TLL1: variants seen among roughly 807,000 people sequenced by gnomAD.
The protein encoded by TLL1 is tolloid-like protein 1.
In TLL1, 49 loss-of-function variants were observed where a neutral mutation model predicts 128.2. The ratio of observed to expected loss-of-function variants is 0.38; its 90% CI spans 0.30 to 0.48. The LOEUF is 0.48. Among genes scored for constraint, TLL1 ranks in the 20% least tolerant of loss-of-function variants. The pLI is 0.96. For synonymous variants in TLL1, 454 were observed against 418.8 expected (o/e 1.08, Z -1.03); for missense variants, 1,123 against 1,242.0 (o/e 0.90, Z 1.44).
intron 10 of TLL1, 133 bp downstream of exon 10, chr4:166,039,574 T>A: frequency 1.5e-6 from 1 of 686,938 alleles, no homozygotes; most frequent in South Asian, 1.7e-5. Flanking sequence ...TTAGTTATAC[T>A]TTTTTCAACC....
chr4:166,055,441 G>T (rs111492540), intron 13 of TLL1, among the ~76,000 whole-genome samples, 170 bp downstream of exon 13: 12 of 152,244 alleles, frequency 7.9e-5, no homozygotes, highest in Middle Eastern at 6.8e-3. Flanking sequence ...CTAGAGTTTA[G>T]AACTTCATAG....
rs188480745 is a variant in TLL1 at position 165,898,194 on chromosome 4, G to A, written c.169+24121G>A. ...CTGCAAACAGAGACAATTTGACTTCGTCTCTTCCTATCTGAATATGCTTTA... is the reference window on the plus strand; with the variant it reads ...CTGCAAACAGAGACAATTTGACTTCATCTCTTCCTATCTGAATATGCTTTA... On this transcript the variant is annotated intron_variant, in intron 1 of 20. Transcript: ENST00000061240. 1.5e-3 allele frequency among the ~76,000 whole-genome samples: 227 copies of A among 151,696 alleles called. 1 individual carries two copies. The highest frequency in any genetic ancestry group is 4.8e-3 in the African/African-American group (198 of 41,360).
At chr4:165,917,017 T>C (rs1246254147) in intron 1 of TLL1, among the ~76,000 whole-genome samples, 2 of 152,158 alleles carry the variant, frequency 1.3e-5, no homozygotes, top group South Asian at 2.1e-4. Context: ...TGTAGTTTAA[T>C]ACATTAGAGT....
At chr4:166,022,169 CTT>C (rs200372458) in intron 8 of TLL1, among the ~76,000 whole-genome samples, 4 of 142,332 alleles carry the variant, frequency 2.8e-5, no homozygotes, top group Non-Finnish European at 3.1e-5. Context: ...ATTCCTTTTC[CTT>C]TTTTTTTTTT....
intron 16 of TLL1, among the ~76,000 whole-genome samples, chr4:166,070,691 G>T (rs568256505): frequency 3.9e-4 from 59 of 151,956 alleles, no homozygotes; most frequent in African/African-American, 1.4e-3. Context: ...AAAATAATGT[G>T]TGCATTGCAA....
At position 166,101,671 on chromosome 4, in the gene TLL1, C is replaced by T. The variant is rs1398869681; in HGVS notation, c.*795C>T. The T allele has an allele frequency of 6.6e-6, 1 of 152,442 alleles. No homozygotes were observed. Among genetic ancestry groups the T allele is most frequent in the Non-Finnish European group, 1.5e-5 (1 of 68,020 alleles). The allele number at this position is 152,442 out of a possible 1,614,324, so 9.4% of individuals were successfully genotyped here. A position where few individuals can be genotyped will look rare whatever the true frequency, so the allele number is the denominator to read the frequency against. ...ACCAAATCCAAGAAGCCTGTGATGT[C>T]TTATGAACCTTATGAGAAAACTCCG... On this transcript the variant is annotated 3_prime_UTR_variant, in exon 21 of 21. Coordinates refer to ENST00000061240, the MANE Select transcript of TLL1 (RefSeq NM_012464.5).
chr4:165,903,602 G>T (rs1006257294), intron 1 of TLL1, among the ~76,000 whole-genome samples: 1 of 151,252 alleles, frequency 6.6e-6, no homozygotes, highest in Admixed American at 6.6e-5. Flanking sequence ...TAGTAGAGAC[G>T]GGGTTTCACC....
intron 10 of TLL1, 147 bp downstream of exon 10, chr4:166,039,588 C>G (rs564329452): frequency 2.4e-5 from 16 of 655,922 alleles, no homozygotes; most frequent in African/African-American, 1.8e-4. Context: ...TTCAACCATA[C>G]CAAAAATACT....
intron 9 of TLL1, among the ~76,000 whole-genome samples, chr4:166,032,760 T>C (rs1026576876): frequency 5.9e-5 from 9 of 152,100 alleles, no homozygotes; most frequent in Non-Finnish European, 7.4e-5. Flanking sequence ...AATAACTTGT[T>C]CAGATTATCC....
chr4:166,067,042 A>G (rs1740606113), intron 16 of TLL1, among the ~76,000 whole-genome samples: 1 of 151,794 alleles, frequency 6.6e-6, no homozygotes, highest in Non-Finnish European at 1.5e-5. Context: ...ATTATGAAGT[A>G]AATGATTTTT....
intron 1 of TLL1, among the ~76,000 whole-genome samples, chr4:165,949,749 G>A (rs1734421772): frequency 6.6e-6 from 1 of 152,036 alleles, no homozygotes; most frequent in East Asian, 1.9e-4. Flanking sequence ...CAGCATGGGG[G>A]AAACCACTGC....
At chr4:166,009,512 G>A (rs191344307) in intron 7 of TLL1, among the ~76,000 whole-genome samples, 7 of 151,256 alleles carry the variant, frequency 4.6e-5, no homozygotes, top group African/African-American at 1.2e-4. Flanking sequence ...CTTGTTGCCC[G>A]TAGTCCACCT....
rs115658444 is a variant in TLL1 at position 165,908,786 on chromosome 4, T to C, written c.169+34713T>C. Among the ~76,000 whole-genome samples the C allele has an allele frequency of 4.4e-3, 672 of 152,122 alleles. 2 individuals carry two copies. Among genetic ancestry groups the C allele is most frequent in the Non-Finnish European group, 7.3e-3 (494 of 68,004 alleles). On this transcript the variant is annotated intron_variant, in intron 1 of 20. Coordinates refer to ENST00000061240, the MANE Select transcript of TLL1 (RefSeq NM_012464.5). ...GACTGTGAGTAAACCCTTGCAGTAA[T>C]CCAGGCCAGGCATGGTTGTGGCACA...
chr4:166,004,251 T>C (rs1737308201), intron 6 of TLL1, among the ~76,000 whole-genome samples: 1 of 152,166 alleles, frequency 6.6e-6, no homozygotes, highest in Admixed American at 6.6e-5. Context: ...AAAAATATTC[T>C]GTTGTTTGGA....
In TLL1 at chr4:166,025,406, G is replaced by C. The variant is rs1738450079; in HGVS notation, c.1133G>C (p.Arg378Thr). 6.2e-7 allele frequency: 1 copy of C among 1,613,370 alleles called. No individual in the cohort carries two copies. Among genetic ancestry groups the C allele is most frequent in the Non-Finnish European group, 8.5e-7 (1 of 1,179,414 alleles). ...CCTTCTTACACACACTGCATCTGGA[G>C]AGTTTCTGTGACCCCAGGGGAGAAG... ...GYPSYTHCIW[R>T]VSVTPGEKIV... is the part of the protein sequence containing the mutation. Residue 378 changes from arginine to threonine, a missense_variant, in exon 9 of 21, where the codon AGA becomes ACA. Coordinates refer to ENST00000061240, the MANE Select transcript of TLL1 (RefSeq NM_012464.5).
At chr4:165,969,581 C>T (rs763295484) in intron 1 of TLL1, among the ~76,000 whole-genome samples, 1 of 152,080 alleles carries the variant, frequency 6.6e-6, no homozygotes, top group Non-Finnish European at 1.5e-5. Context: ...AATGTCTTCT[C>T]TTTCTTCAAA....
At chr4:165,942,345 G>T (rs1002256387) in intron 1 of TLL1, among the ~76,000 whole-genome samples, 5 of 151,072 alleles carry the variant, frequency 3.3e-5, no homozygotes, top group African/African-American at 1.2e-4. Flanking sequence ...ATCACTTACA[G>T]CAGGAAGCCT....
At chr4:166,096,210 G>GGT (rs60978680) in intron 19 of TLL1, among the ~76,000 whole-genome samples, 15,348 of 145,372 alleles carry the variant, frequency 0.11, 912 homozygotes, top group African/African-American at 0.17. Context: ...TTCTGTCATG[G>GGT]GTGTGTGTGT....
At chr4:166,076,879 G>A (rs1031376625) in intron 17 of TLL1, among the ~76,000 whole-genome samples, 1 of 152,150 alleles carries the variant, frequency 6.6e-6, no homozygotes, top group African/African-American at 2.4e-5. Flanking sequence ...TTAAGGTGAA[G>A]GTCTAGTATT....
Sources: allele counts gnomAD v4.1 joint callset (sites outside exome capture counted in the v4.1 genomes callset), GRCh38; gene constraint gnomAD v4.1.1; transcripts MANE v1.5; gene names NCBI Gene and HGNC (gene_info 2026-07-23, HGNC 2026-07-21).